KRI1: variants seen among roughly 807,000 people sequenced by gnomAD.
KRI1 encodes the protein KRI1 homolog.
KRI1 carries 83 observed loss-of-function variants against 97.0 expected under a neutral mutation model. That is an observed-to-expected ratio of 0.86 (90% CI 0.72 to 1.03). The LOEUF is 1.03. KRI1 is among the 50% of genes least tolerant of loss of function. The pLI is 0.00. For synonymous variants in KRI1, 371 were observed against 363.5 expected, an observed-to-expected ratio of 1.02 and a Z score of -0.23; for missense variants, 916 against 928.4, an observed-to-expected ratio of 0.99 and a Z score of 0.17.
rs142040324 is a variant in KRI1, at chr19:10,554,197, G to A, written c.1866C>T (p.Ser622=). The change falls in exon 19 of 19, where the codon AGC becomes AGT. Residue 622 remains serine (S), a synonymous_variant. Transcript: ENST00000312962. ...CTGGGGGACTCTCCGGCCCCATCAA[G>A]CTGCCATCAAGGGCTGGCAGCTGCC... ...PQRQLPALDG[S]LMGPESPPAQ... The A allele has an allele frequency of 1.2e-6, 2 of 1,613,880 alleles. No individual in the cohort carries two copies. Among genetic ancestry groups the A allele is most frequent in the South Asian group, 1.1e-5 (1 of 91,080 alleles).
At chr19:10,562,313 G>T (rs1363194199) in intron 4 of KRI1, among the ~76,000 whole-genome samples, 1 of 151,866 alleles carries the variant, frequency 6.6e-6, no homozygotes, top group African/African-American at 2.4e-5. Context: ...GCCTCCCAAG[G>T]TGCTGGTATT....
Position 10,559,641 on chromosome 19 carries a change from C to T in KRI1, c.995G>A (p.Arg332Lys). Residue 332 changes from arginine to lysine, a missense_variant, in exon 11 of 19, where the codon AGG becomes AAG. Physicochemically the swap from Arg to Lys is conservative, Grantham distance 26. Coordinates refer to ENST00000312962, the MANE Select transcript of KRI1 (RefSeq NM_023008.5). ...CTTCTTTCGCTCCCGAGTCTCTTCC[C>T]TCTTCTCCTTTCTGCGCTCATCCTT... is the stretch of plus-strand genomic sequence containing the variant. ...RRKDERRKEK[R>K]EETRERKKRE... The T allele has an allele frequency of 6.2e-7, 1 of 1,614,092 alleles. No individual in the cohort carries two copies.
chr19:10,559,329 C>T (rs767880995), intron 12 of KRI1, 30 bp downstream of exon 12: 7 of 1,601,868 alleles, frequency 4.4e-6, no homozygotes, highest in East Asian at 4.5e-5. Context: ...GTGAACTCAG[C>T]GTCATGTTGG....
chr19:10,553,307 C>T lies in KRI1; in HGVS notation c.*644G>A, dbSNP rs1916367837. On this transcript the variant is annotated 3_prime_UTR_variant, in exon 19 of 19. Transcript: ENST00000312962. Reference sequence around the variant, plus strand: ...GAAGGAGGACCCCGGGCACCCCCCTCAGGGCCTGACTCACGTACTGTAGTT... The same window carrying T: ...GAAGGAGGACCCCGGGCACCCCCCTTAGGGCCTGACTCACGTACTGTAGTT... 2.0e-6 allele frequency: 1 copy of T among 511,952 alleles called. No homozygotes were observed. Among genetic ancestry groups the T allele is most frequent in the Non-Finnish European group, 3.5e-6 (1 of 289,390 alleles). The allele number at this position is 511,952 out of a possible 1,614,324, so 31.7% of individuals were successfully genotyped here.
chr19:10,555,734 T>C (rs970421659), intron 16 of KRI1, among the ~76,000 whole-genome samples: 1 of 152,320 alleles, frequency 6.6e-6, no homozygotes, highest in Non-Finnish European at 1.5e-5. Flanking sequence ...TCTAGGCCTG[T>C]TTCCAAACCT....
At chr19:10,557,710 G>C (rs1568421637) in intron 15 of KRI1, 28 bp from the exon 16 acceptor site, 2 of 1,614,114 alleles carry the variant, frequency 1.2e-6, no homozygotes, top group South Asian at 2.2e-5. Context: ...AGGCTGCTGG[G>C]CTATGCCAGG....
intron 3 of KRI1, 62 bp from the exon 4 acceptor site, chr19:10,562,899 A>G: frequency 8.7e-6 from 9 of 1,039,416 alleles, no homozygotes; most frequent in Non-Finnish European, 1.4e-5. Flanking sequence ...GTGGCAGAGA[A>G]TCCCACAGGG....
At chr19:10,562,196 C>A (rs1053119501) in intron 4 of KRI1, among the ~76,000 whole-genome samples, 1 of 151,506 alleles carries the variant, frequency 6.6e-6, no homozygotes, top group African/African-American at 2.4e-5. Context: ...ACTACAGGCG[C>A]CCACCACCAC....
At chr19:10,561,586 A>G in intron 6 of KRI1, 81 bp downstream of exon 6, 1 of 1,314,710 alleles carries the variant, frequency 7.6e-7, no homozygotes, top group Non-Finnish European at 1.1e-6. Context: ...AAAGTGACAG[A>G]GCTCAATTTG....
chr19:10,565,245 G>A (rs1191474289), intron 2 of KRI1: 1 of 588,546 alleles, frequency 1.7e-6, no homozygotes, highest in Non-Finnish European at 3.0e-6. Flanking sequence ...GGTAGAGGAA[G>A]GTGAGGGGCA....
intron 17 of KRI1, 29 bp downstream of exon 17, chr19:10,555,256 T>TG (rs760822112): frequency 3.2e-5 from 25 of 789,960 alleles, no homozygotes; most frequent in Middle Eastern, 3.2e-4. Flanking sequence ...CCCCTGCGCA[T>TG]GTGGCCCCGC....
At chr19:10,565,256 A>G (rs763471699) in intron 2 of KRI1, 34 of 574,308 alleles carry the variant, frequency 5.9e-5, no homozygotes, top group Non-Finnish European at 9.6e-5. Context: ...GTGAGGGGCA[A>G]GGAGAAGGTA....
chr19:10,560,909 A>G (rs11672425), intron 8 of KRI1, 94 bp downstream of exon 8: 73,312 of 947,824 alleles, frequency 0.077, 3,154 homozygotes, highest in Middle Eastern at 0.11. Flanking sequence ...AGAGATGTAC[A>G]TATCCCATCT....
intron 17 of KRI1, 41 bp downstream of exon 17, chr19:10,555,244 G>A (rs1916465211): frequency 1.9e-6 from 3 of 1,612,868 alleles, no homozygotes. Context: ...TGCCCGCCCT[G>A]CCCCCTGCGC....
At chr19:10,561,872 A>C in intron 4 of KRI1, 27 bp from the exon 5 acceptor site, 1 of 1,610,192 alleles carries the variant, frequency 6.2e-7, no homozygotes. Flanking sequence ...GGGTCTTCAG[A>C]ATATATCTTC....
intron 5 of KRI1, 30 bp from the exon 6 acceptor site, chr19:10,561,746 G>T (rs1916707011): frequency 3.1e-6 from 5 of 1,613,858 alleles, no homozygotes; most frequent in Non-Finnish European, 4.2e-6. Context: ...TCTCAGGCCA[G>T]CCCCAGGCCC....
rs751075099 is a variant in KRI1 at position 10,557,962 on chromosome 19, T to A, written c.1359+10A>T. The A allele has an allele frequency of 6.2e-7, 1 of 1,613,964 alleles. No individual in the cohort carries two copies. On this transcript the variant is annotated intron_variant, in intron 14 of 18. Transcript: ENST00000312962. The stretch of plus-strand genomic sequence containing the variant: ...GGGCCCCTGGGACTCCCTCAACCCG[T>A]GATACCTACGTTGAAGTTGGGGTCC...
chr19:10,565,188 C>T (rs374061895), intron 2 of KRI1, 154 bp from the exon 3 acceptor site: 3 of 659,382 alleles, frequency 4.5e-6, no homozygotes, highest in Non-Finnish European at 8.1e-6. Context: ...GGGAGAGGGG[C>T]CCTCTTGGGG....
At chr19:10,557,281 A>G (rs924462709) in intron 16 of KRI1, among the ~76,000 whole-genome samples, 1 of 151,474 alleles carries the variant, frequency 6.6e-6, no homozygotes, top group Non-Finnish European at 1.5e-5. Context: ...ATTTTTTTGT[A>G]TTTTTAGTAG....
Sources: allele counts gnomAD v4.1 joint callset (sites outside exome capture counted in the v4.1 genomes callset), GRCh38; gene constraint gnomAD v4.1.1; transcripts MANE v1.5; gene names NCBI Gene and HGNC (gene_info 2026-07-23, HGNC 2026-07-21).